COP1: variants seen among roughly 807,000 people sequenced by gnomAD.
The protein encoded by COP1 is E3 ubiquitin-protein ligase COP1.
Under a neutral mutation model 101.3 loss-of-function variants are expected in COP1, and 24 were observed. The observed-to-expected ratio is 0.24, with a 90% CI of 0.17 to 0.33. The LOEUF (loss-of-function observed/expected upper bound fraction) is 0.33, where lower values mean the gene tolerates loss of function less well. Among genes scored for constraint, COP1 ranks in the 10% least tolerant of loss-of-function variants. The pLI, the probability that COP1 is intolerant of heterozygous loss-of-function variation, is 1.00. For missense variants in COP1, 663 were observed against 906.2 expected, an observed-to-expected ratio of 0.73 and a Z score of 3.45; for synonymous variants, 347 against 341.9, an observed-to-expected ratio of 1.01 and a Z score of -0.17.
chr1:175,961,376 A>G (rs1037672963), intron 18 of COP1, among the ~76,000 whole-genome samples: 1 of 152,206 alleles, frequency 6.6e-6, no homozygotes. Flanking sequence ...TTTGGCATGA[A>G]GTTTATTAAT....
intron 3 of COP1, among the ~76,000 whole-genome samples, chr1:176,168,300 G>A (rs1435610120): frequency 1.3e-5 from 2 of 151,354 alleles, no homozygotes; most frequent in South Asian, 2.1e-4. Context: ...CTCGTGATCC[G>A]CCCGTGTCAG....
chr1:176,145,002 G>C (rs1691345584), intron 6 of COP1, among the ~76,000 whole-genome samples: 1 of 151,990 alleles, frequency 6.6e-6, no homozygotes, highest in African/African-American at 2.4e-5. Context: ...TAACAGATAA[G>C]ATAAATTTCA....
intron 2 of COP1, 55 bp downstream of exon 2, chr1:176,184,578 T>C: frequency 7.3e-7 from 1 of 1,370,774 alleles, no homozygotes; most frequent in Non-Finnish European, 1.0e-6. Flanking sequence ...TGGCTACATT[T>C]ACAGATAAGT....
At chr1:176,116,353 A>AAAAAAC (rs767208366) in intron 9 of COP1, among the ~76,000 whole-genome samples, 9 of 152,202 alleles carry the variant, frequency 5.9e-5, no homozygotes, top group Non-Finnish European at 8.8e-5. Context: ...GAGTGTCTCA[A>AAAAAAC]AAAAACAAAA....
At chr1:175,986,765 T>C (rs984800399) in intron 18 of COP1, among the ~76,000 whole-genome samples, 178 bp downstream of exon 18, 1 of 152,238 alleles carries the variant, frequency 6.6e-6, no homozygotes, top group Non-Finnish European at 1.5e-5. Context: ...GACATTGCTC[T>C]ATTACTATGC....
rs184953129 is a variant in COP1, at chr1:176,166,571, G to A, written c.566-2680C>T. On this transcript the variant is annotated intron_variant, in intron 3 of 19. Coordinates refer to ENST00000367669, the MANE Select transcript of COP1 (RefSeq NM_022457.7). ...CATTTAAATTCTACATTTACCAAAC[G>A]AAGTTTTTTACTACTGTATCAGATT... 2.5e-3 allele frequency among the ~76,000 whole-genome samples: 387 copies of A among 152,228 alleles called. 1 individual carries two copies. The highest frequency in any genetic ancestry group is 8.8e-3 in the African/African-American group (367 of 41,522).
At chr1:176,176,524 A>C (rs988881172) in intron 2 of COP1, among the ~76,000 whole-genome samples, 1 of 152,246 alleles carries the variant, frequency 6.6e-6, no homozygotes, top group African/African-American at 2.4e-5. Flanking sequence ...GGATGGAAAA[A>C]TAAAATACTG....
At chr1:176,153,467 G>A (rs613965) in intron 5 of COP1, among the ~76,000 whole-genome samples, 143,058 of 152,274 alleles carry the variant, frequency 0.94, 67,646 homozygotes, top group East Asian at 1. Context: ...GAACTTGTTT[G>A]TCAGCTTAAG....
chr1:176,116,181 C>A (rs1686156392), intron 9 of COP1, among the ~76,000 whole-genome samples: 1 of 151,906 alleles, frequency 6.6e-6, no homozygotes, highest in African/African-American at 2.4e-5. Context: ...AGTTTGAGAC[C>A]AGCCTGGACA....
intron 1 of COP1, among the ~76,000 whole-genome samples, chr1:176,203,254 G>A (rs1440732811): frequency 1.3e-5 from 2 of 151,918 alleles, no homozygotes; most frequent in Admixed American, 6.6e-5. Flanking sequence ...GGAGAATGGC[G>A]TGAACCCGGG....
intron 2 of COP1, 141 bp downstream of exon 2, chr1:176,184,492 A>G: frequency 3.1e-6 from 2 of 647,938 alleles, no homozygotes; most frequent in Non-Finnish European, 5.5e-6. Context: ...AAACTGCCAC[A>G]TCTACAAAGA....
At chr1:176,035,513 T>A (rs1000617916) in intron 14 of COP1, among the ~76,000 whole-genome samples, 1 of 151,860 alleles carries the variant, frequency 6.6e-6, no homozygotes, top group African/African-American at 2.4e-5. Flanking sequence ...TTCAGAGGAA[T>A]ATTGACAGGG....
intron 2 of COP1, among the ~76,000 whole-genome samples, chr1:176,177,395 T>C (rs934051074): frequency 2.0e-5 from 3 of 150,808 alleles, no homozygotes; most frequent in Admixed American, 1.3e-4. Flanking sequence ...TACATACTGC[T>C]GAATAAAAAT....
intron 2 of COP1, among the ~76,000 whole-genome samples, chr1:176,178,573 C>T (rs752772331): frequency 6.6e-6 from 1 of 152,070 alleles, no homozygotes; most frequent in African/African-American, 2.4e-5. Context: ...AAGAGATGGC[C>T]GGGAGCAGTG....
At chr1:175,981,396 G>A (rs1339278107) in intron 18 of COP1, among the ~76,000 whole-genome samples, 1 of 151,964 alleles carries the variant, frequency 6.6e-6, no homozygotes, top group African/African-American at 2.4e-5. Context: ...GGGAAGCCAG[G>A]GAGGAAGAAA....
intron 11 of COP1, among the ~76,000 whole-genome samples, chr1:176,077,983 A>G (rs962433914): frequency 6.6e-6 from 1 of 152,234 alleles, no homozygotes; most frequent in African/African-American, 2.4e-5. Flanking sequence ...AGCCCTGCTG[A>G]AAGAAATCGA....
chr1:176,092,561 T>C lies in COP1; in HGVS notation c.1027-6671A>G, dbSNP rs12031970. On this transcript the variant is annotated intron_variant, in intron 9 of 19. Coordinates refer to ENST00000367669, the MANE Select transcript of COP1 (RefSeq NM_022457.7). Reference sequence around the variant, plus strand: ...AAATGGGGAAAGACTTGAAATGCCATTTCACAAAAGACAAAACATAAAGGA... The same window carrying C: ...AAATGGGGAAAGACTTGAAATGCCACTTCACAAAAGACAAAACATAAAGGA... Among the ~76,000 whole-genome samples, 334 of 152,228 alleles carry C rather than the reference T, an allele frequency of 2.2e-3. 7 individuals carry two copies. Among genetic ancestry groups the C allele is most frequent in the East Asian group, 0.016 (83 of 5,172 alleles).
intron 8 of COP1, among the ~76,000 whole-genome samples, chr1:176,132,499 G>A (rs1689041024): frequency 2.0e-5 from 3 of 150,212 alleles, no homozygotes; most frequent in Admixed American, 1.3e-4. Context: ...CAAGATGGGG[G>A]TATGTATGTG....
chr1:176,145,777 C>A (rs1161009930), intron 6 of COP1, among the ~76,000 whole-genome samples: 1 of 152,052 alleles, frequency 6.6e-6, no homozygotes, highest in Non-Finnish European at 1.5e-5. Flanking sequence ...CGCTCAAAAA[C>A]AGAGAGACCT....
Sources: gnomAD v4.1 joint callset for allele counts (sites outside exome capture counted in the v4.1 genomes callset) on GRCh38, gnomAD v4.1.1 for gene constraint, MANE v1.5 for transcripts, NCBI Gene and HGNC (gene_info 2026-07-23, HGNC 2026-07-21) for gene names.